NEGR1: variants seen among roughly 807,000 people sequenced by gnomAD.
NEGR1 encodes neuronal growth regulator 1.
A neutral mutation model predicts 40.9 loss-of-function variants in NEGR1; 10 were observed. That is an observed-to-expected ratio of 0.24 (90% CI 0.15 to 0.42). NEGR1 has a LOEUF of 0.42. NEGR1 is among the 10% of genes least tolerant of loss of function. The pLI, the probability that NEGR1 is intolerant of heterozygous loss-of-function variation, is 1.00. For synonymous variants in NEGR1, 185 were observed against 166.8 expected (o/e 1.11, Z -0.84); for missense variants, 352 against 438.9 (o/e 0.80, Z 1.77).
At chr1:71,848,404 A>G (rs547743900) in intron 2 of NEGR1, among the ~76,000 whole-genome samples, 18 of 152,310 alleles carry the variant, frequency 1.2e-4, no homozygotes, top group African/African-American at 4.1e-4. Context: ...TCAAAGGAGA[A>G]GCTGACTCTC....
chr1:71,898,106 C>A (rs1314905251), intron 2 of NEGR1, among the ~76,000 whole-genome samples: 1 of 152,160 alleles, frequency 6.6e-6, no homozygotes, highest in Non-Finnish European at 1.5e-5. Context: ...TACTGCGAGT[C>A]TGTAAACAGT....
intron 2 of NEGR1, among the ~76,000 whole-genome samples, chr1:71,883,743 A>C (rs1402414746): frequency 5.0e-5 from 5 of 100,034 alleles, no homozygotes; most frequent in Admixed American, 1.4e-4. Context: ...ACCCCACGAC[A>C]GGCCCTGGTG....
rs1474034681 is a variant in NEGR1, at chr1:71,770,584, T to C, written c.535+5588A>G. 8.5e-5 allele frequency among the ~76,000 whole-genome samples: 13 copies of C among 152,236 alleles called. No homozygotes were observed. In the East Asian group the frequency reaches 2.5e-3, roughly 29 times the overall value. On this transcript the variant is annotated intron_variant, in intron 3 of 6. Transcript: ENST00000357731. ...AGTAAGGCAGAAAATATGAGCCTGT[T>C]GTATTTTCTTATGCCAGAAAGCATA...
intron 2 of NEGR1, among the ~76,000 whole-genome samples, chr1:71,790,927 C>A (rs1657093205): frequency 6.6e-6 from 1 of 151,806 alleles, no homozygotes; most frequent in Admixed American, 6.6e-5. Flanking sequence ...AAGTGATGAA[C>A]AAAAATCATT....
intron 6 of NEGR1, among the ~76,000 whole-genome samples, chr1:71,538,111 T>C (rs1392961440): frequency 7.9e-5 from 12 of 151,686 alleles, no homozygotes; most frequent in Non-Finnish European, 1.8e-4. Context: ...TAAGGTATCA[T>C]GTAAAATAAC....
chr1:71,426,501 C>G (rs1485695542), intron 6 of NEGR1, among the ~76,000 whole-genome samples: 1 of 152,080 alleles, frequency 6.6e-6, no homozygotes, highest in Admixed American at 6.6e-5. Flanking sequence ...AAAAGTCAAA[C>G]TAGCAAGATC....
chr1:71,917,834 A>G (rs1661633240), intron 2 of NEGR1, among the ~76,000 whole-genome samples: 1 of 151,546 alleles, frequency 6.6e-6, no homozygotes, highest in Non-Finnish European at 1.5e-5. Flanking sequence ...GCCAAATTGA[A>G]CAGCAAACCA....
chr1:72,149,603 C>T (rs998611838), intron 1 of NEGR1, among the ~76,000 whole-genome samples: 1 of 151,918 alleles, frequency 6.6e-6, no homozygotes, highest in Non-Finnish European at 1.5e-5. Context: ...ACCAAGTAGG[C>T]CGGGTGCAGT....
intron 6 of NEGR1, among the ~76,000 whole-genome samples, chr1:71,559,883 T>C (rs1648388688): frequency 6.6e-6 from 1 of 151,488 alleles, no homozygotes; most frequent in South Asian, 2.1e-4. Flanking sequence ...GCGTATTTCT[T>C]GTTCTTTAAA....
intron 1 of NEGR1, among the ~76,000 whole-genome samples, chr1:72,277,573 C>T (rs920544815): frequency 2.0e-5 from 3 of 151,938 alleles, no homozygotes; most frequent in Non-Finnish European, 4.4e-5. Flanking sequence ...TATATCTTGC[C>T]AATAGAACAG....
At chr1:71,434,718 A>T (rs2101301266) in intron 6 of NEGR1, among the ~76,000 whole-genome samples, 1 of 152,342 alleles carries the variant, frequency 6.6e-6, no homozygotes, top group African/African-American at 2.4e-5. Context: ...TATATACTGC[A>T]GATTGTACTG....
intron 1 of NEGR1, among the ~76,000 whole-genome samples, chr1:72,252,596 A>T (rs954535595): frequency 6.6e-6 from 1 of 152,188 alleles, no homozygotes; most frequent in South Asian, 2.1e-4. Flanking sequence ...AGTGGACTCT[A>T]TAGTACATAT....
At position 71,478,046 on chromosome 1, in the gene NEGR1, T is replaced by C. The variant is rs542208000; in HGVS notation, c.941-70476A>G. Reference sequence around the variant, plus strand: ...AGATTGTCTCTGTTTAATTGTTTTTTCATAGATGAATGTATATCTTTTTCC... The same window carrying C: ...AGATTGTCTCTGTTTAATTGTTTTTCCATAGATGAATGTATATCTTTTTCC... On this transcript the variant is annotated intron_variant, in intron 6 of 6. Transcript: ENST00000357731. Among the ~76,000 whole-genome samples, 295 of 152,186 alleles carry C rather than the reference T, an allele frequency of 1.9e-3. 1 individual carries two copies. Among genetic ancestry groups the C allele is most frequent in the African/African-American group, 6.7e-3 (280 of 41,570 alleles).
chr1:72,162,948 A>G (rs771032337), intron 1 of NEGR1, among the ~76,000 whole-genome samples: 4 of 152,176 alleles, frequency 2.6e-5, no homozygotes, highest in Non-Finnish European at 4.4e-5. Flanking sequence ...CAGTTTCGTT[A>G]TAAGGTAGGA....
chr1:71,513,001 AC>A (rs1647087423), intron 6 of NEGR1, among the ~76,000 whole-genome samples: 1 of 152,244 alleles, frequency 6.6e-6, no homozygotes, highest in African/African-American at 2.4e-5. Context: ...TATAACATCG[AC>A]AAAAAATACC....
At chr1:72,233,831 A>T (rs952487486) in intron 1 of NEGR1, among the ~76,000 whole-genome samples, 3 of 152,038 alleles carry the variant, frequency 2.0e-5, no homozygotes, top group African/African-American at 7.2e-5. Context: ...TGCTGGGCTA[A>T]ATGGTATTTC....
At chr1:72,019,095 G>A in intron 1 of NEGR1, among the ~76,000 whole-genome samples, 1 of 152,258 alleles carries the variant, frequency 6.6e-6, no homozygotes, top group Non-Finnish European at 1.5e-5. Context: ...ATGATGTAAG[G>A]AACAAGGGGA....
chr1:72,141,875 G>T (rs1009572782), intron 1 of NEGR1, among the ~76,000 whole-genome samples: 10 of 151,826 alleles, frequency 6.6e-5, no homozygotes, highest in African/African-American at 1.9e-4. Flanking sequence ...CTCCATAACT[G>T]CCAGTCAAAC....
intron 1 of NEGR1, among the ~76,000 whole-genome samples, chr1:72,015,578 G>A (rs1468095698): frequency 6.6e-6 from 1 of 152,146 alleles, no homozygotes; most frequent in Non-Finnish European, 1.5e-5. Context: ...GCCAAGGCAG[G>A]AGGATTGCTT....
Sources: gnomAD v4.1 joint callset for allele counts (sites outside exome capture counted in the v4.1 genomes callset) on GRCh38, gnomAD v4.1.1 for gene constraint, MANE v1.5 for transcripts, NCBI Gene and HGNC (gene_info 2026-07-23, HGNC 2026-07-21) for gene names.